TPTE: variants seen among roughly 807,000 people sequenced by gnomAD.
The protein encoded by TPTE is putative tyrosine-protein phosphatase TPTE.
A neutral mutation model predicts 84.1 loss-of-function variants in TPTE; 59 were observed. The observed-to-expected ratio is 0.70, with a 90% CI of 0.57 to 0.87. The LOEUF is 0.87. Among genes scored for constraint, TPTE ranks in the 40% least tolerant of loss-of-function variants. TPTE has a pLI of 0.00. For missense variants in TPTE, 382 were observed against 659.6 expected (o/e 0.58, Z 4.61); for synonymous variants, 130 against 223.5 (o/e 0.58, Z 3.73).
chr21:10,571,653 A>G (rs2075045520), intron 14 of TPTE, among the ~76,000 whole-genome samples: 1 of 152,312 alleles, frequency 6.6e-6, no homozygotes, highest in African/African-American at 2.4e-5. Context: ...ACAAGGATAT[A>G]TATATCATTA....
chr21:10,602,233 A>T, intron 22 of TPTE, 83 bp downstream of exon 22: 1 of 1,507,918 alleles, frequency 6.6e-7, no homozygotes, highest in East Asian at 2.2e-5. Context: ...TACAATTCCC[A>T]ACAAGGGAGG....
chr21:10,576,921 TAAAG>T (rs1466733302), intron 14 of TPTE, among the ~76,000 whole-genome samples: 5 of 151,588 alleles, frequency 3.3e-5, no homozygotes, highest in Non-Finnish European at 7.4e-5. Context: ...TTTAAAAAAA[TAAAG>T]AGAACAAATG....
At chr21:10,592,696 T>TCAC (rs2075504977) in intron 19 of TPTE, among the ~76,000 whole-genome samples, 2 of 151,480 alleles carry the variant, frequency 1.3e-5, no homozygotes, top group Non-Finnish European at 2.9e-5. Context: ...GTGTCTAAAA[T>TCAC]CACCAGCCTT....
At chr21:10,594,699 C>G (rs2145784743) in intron 19 of TPTE, among the ~76,000 whole-genome samples, 1 of 152,426 alleles carries the variant, frequency 6.6e-6, no homozygotes, top group Non-Finnish European at 1.5e-5. Flanking sequence ...TGCATAGTTT[C>G]CCTAACTGTA....
chr21:10,525,665 G>A lies in TPTE; in HGVS notation c.-102+977G>A, dbSNP rs1176448494. Among the ~76,000 whole-genome samples the A allele has an allele frequency of 2.6e-5, 4 of 152,306 alleles. No homozygotes were observed. The South Asian group carries it at 6.2e-4, about 24-fold the overall frequency. ...TGTGGTTGCTCCTATCTACCAAAAA[G>A]CATTTAAGAATTCTGCATGACCACT... On this transcript the variant is annotated intron_variant, in intron 2 of 23. Transcript: ENST00000618007.
intron 1 of TPTE, among the ~76,000 whole-genome samples, chr21:10,522,153 C>T (rs1304327876): frequency 2.0e-5 from 3 of 152,272 alleles, no homozygotes; most frequent in Non-Finnish European, 4.4e-5. Context: ...TGTCCCCCCC[C>T]AGGATGACCT....
chr21:10,528,909 G>A (rs2074128625), intron 3 of TPTE, among the ~76,000 whole-genome samples: 1 of 152,308 alleles, frequency 6.6e-6, no homozygotes, highest in Non-Finnish European at 1.5e-5. Context: ...TTTTCTGGCT[G>A]GGCATGGTGG....
intron 4 of TPTE, among the ~76,000 whole-genome samples, chr21:10,540,384 T>G (rs1427488093): frequency 1.3e-5 from 2 of 152,308 alleles, no homozygotes; most frequent in Non-Finnish European, 1.5e-5. Flanking sequence ...ATTGTTTTGT[T>G]TTTTGGATGG....
At chr21:10,556,467 A>G (rs1235764232) in intron 8 of TPTE, among the ~76,000 whole-genome samples, 2 of 152,308 alleles carry the variant, frequency 1.3e-5, no homozygotes, top group Non-Finnish European at 2.9e-5. Flanking sequence ...GTTGGTTCCA[A>G]GTCTTTGCTA....
chr21:10,566,030 C>T (rs1240901462), intron 10 of TPTE, among the ~76,000 whole-genome samples: 1 of 152,304 alleles, frequency 6.6e-6, no homozygotes, highest in East Asian at 1.9e-4. Flanking sequence ...AGTTAAAAAA[C>T]TGCTTCATAG....
At chr21:10,534,042 T>C (rs1235458397) in intron 3 of TPTE, among the ~76,000 whole-genome samples, 2 of 152,310 alleles carry the variant, frequency 1.3e-5, no homozygotes, top group Non-Finnish European at 2.9e-5. Context: ...GCTGCTGTAA[T>C]TGACTGAGAC....
At chr21:10,545,654 ATAAC>A (rs963052890) in intron 7 of TPTE, among the ~76,000 whole-genome samples, 1 of 152,256 alleles carries the variant, frequency 6.6e-6, no homozygotes, top group Non-Finnish European at 1.5e-5. Context: ...ACACACACAT[ATAAC>A]ACACATGTAT....
intron 3 of TPTE, among the ~76,000 whole-genome samples, chr21:10,537,799 A>G (rs1488062505): frequency 2.0e-4 from 30 of 152,306 alleles, no homozygotes; most frequent in Non-Finnish European, 3.2e-4. Context: ...TATTAAATCA[A>G]GGCATGCACC....
intron 10 of TPTE, among the ~76,000 whole-genome samples, chr21:10,566,109 TC>T (rs2074915819): frequency 6.6e-6 from 1 of 152,422 alleles, no homozygotes; most frequent in South Asian, 2.1e-4. Context: ...AAACTACCCA[TC>T]TGAAAAGGGA....
At chr21:10,581,769 G>A (rs544620498) in intron 17 of TPTE, among the ~76,000 whole-genome samples, 198 of 152,040 alleles carry the variant, frequency 1.3e-3, no homozygotes, top group Non-Finnish European at 2.0e-3. Context: ...ATCTCGCTGT[G>A]TCACTCAGGC....
At chr21:10,592,626 G>A (rs1411198900) in intron 19 of TPTE, among the ~76,000 whole-genome samples, 1 of 152,310 alleles carries the variant, frequency 6.6e-6, no homozygotes, top group East Asian at 1.9e-4. Flanking sequence ...CAGAGCTCAG[G>A]AGTTGATTAT....
intron 19 of TPTE, among the ~76,000 whole-genome samples, chr21:10,593,767 G>T (rs1409505957): frequency 6.6e-6 from 1 of 152,310 alleles, no homozygotes; most frequent in African/African-American, 2.4e-5. Context: ...TTTCTATATT[G>T]CCCCTGAAAC....
chr21:10,546,893 A>G (rs1174335600), intron 7 of TPTE, among the ~76,000 whole-genome samples: 1 of 152,310 alleles, frequency 6.6e-6, no homozygotes. Flanking sequence ...GCCAGTGCCG[A>G]TGCAGAAGCA....
intron 10 of TPTE, among the ~76,000 whole-genome samples, chr21:10,566,675 T>TA (rs1223482890): frequency 3.3e-5 from 5 of 152,302 alleles, no homozygotes; most frequent in East Asian, 1.9e-4. Flanking sequence ...TATTTAGCCA[T>TA]AAAAAAACAA....
Sources: gnomAD v4.1 joint callset for allele counts (sites outside exome capture counted in the v4.1 genomes callset) on GRCh38, gnomAD v4.1.1 for gene constraint, MANE v1.5 for transcripts, NCBI Gene and HGNC (gene_info 2026-07-23, HGNC 2026-07-21) for gene names.